Variants in HTR4 observed in about 807,000 individuals in gnomAD.
HTR4 encodes 5-hydroxytryptamine receptor 4, also known as 5-hydroxytryptamine (serotonin) receptor 4, G protein-coupled.
HTR4 carries 16 observed loss-of-function variants against 36.8 expected under a neutral mutation model. That is an observed-to-expected ratio of 0.43 (90% CI 0.29 to 0.66). HTR4 has a LOEUF of 0.66. HTR4 is among the 30% of genes least tolerant of loss of function. HTR4 has a pLI of 0.13. For missense variants in HTR4, 438 were observed against 490.9 expected (o/e 0.89, Z 1.02); for synonymous variants, 189 against 185.1 (o/e 1.02, Z -0.17).
At chr5:148,620,979 ACG>A (rs1241077567) in intron 2 of HTR4, among the ~76,000 whole-genome samples, 5 of 152,208 alleles carry the variant, frequency 3.3e-5, no homozygotes, top group African/African-American at 1.2e-4. Context: ...CCACCTCCTC[ACG>A]TGTACACCCC....
chr5:148,476,446 T>C (rs1247000856), downstream of HTR4, among the ~76,000 whole-genome samples: 1 of 152,120 alleles, frequency 6.6e-6, no homozygotes, highest in African/African-American at 2.4e-5. Context: ...TTGAAAGAGG[T>C]GTGATAAACA....
intron 4 of HTR4, among the ~76,000 whole-genome samples, chr5:148,546,107 C>T (rs1383817538): frequency 2.0e-5 from 3 of 152,168 alleles, no homozygotes; most frequent in East Asian, 1.9e-4. Flanking sequence ...ATCAGAATAA[C>T]TACCTGGTTT....
chr5:148,616,161 A>G (rs1752675805), intron 2 of HTR4, among the ~76,000 whole-genome samples: 1 of 152,222 alleles, frequency 6.6e-6, no homozygotes, highest in South Asian at 2.1e-4. Context: ...CTTGATAACC[A>G]CAAGGGTTAG....
chr5:148,533,397 C>G (rs1428490671), intron 4 of HTR4, among the ~76,000 whole-genome samples: 8 of 152,220 alleles, frequency 5.3e-5, no homozygotes, highest in Non-Finnish European at 1.5e-5. Context: ...CCACCAGCTT[C>G]TCCCACTGCA....
rs1761104396 is a variant in HTR4, at chr5:148,580,829, G to A, written c.27-30567C>T. Among the ~76,000 whole-genome samples the A allele has an allele frequency of 2.0e-5, 3 of 152,142 alleles. No individual in the cohort carries two copies. The South Asian group carries it at 6.2e-4, about 32-fold the overall frequency. On this transcript the variant is annotated intron_variant, in intron 2 of 6. Transcript: ENST00000377888. Reference sequence around the variant, plus strand: ...CTCTGAATATTGTTGCCATGAACATGGGAGTGCGGATATCTCTTTGAGACC... The same window carrying A: ...CTCTGAATATTGTTGCCATGAACATAGGAGTGCGGATATCTCTTTGAGACC...
chr5:148,464,372 A>G (rs1174427759), intron 5 of HTR4, among the ~76,000 whole-genome samples: 1 of 152,238 alleles, frequency 6.6e-6, no homozygotes, highest in Non-Finnish European at 1.5e-5. Context: ...CAAAATATAC[A>G]AAGAACTCTT....
intron 1 of HTR4, among the ~76,000 whole-genome samples, chr5:148,641,389 T>C (rs1442910660): frequency 6.6e-6 from 1 of 152,156 alleles, no homozygotes; most frequent in Non-Finnish European, 1.5e-5. Context: ...CAAGAAATTA[T>C]ACCCTCCATA....
chr5:148,481,689 G>A lies in HTR4; in HGVS notation c.*1514C>T, dbSNP rs201394278. On this transcript the variant is annotated 3_prime_UTR_variant, in exon 7 of 7. Coordinates refer to ENST00000377888, the MANE Select transcript of HTR4 (RefSeq NM_000870.7). The stretch of plus-strand genomic sequence containing the variant: ...CCTTATAAGCAATAAGAAAAAAAGA[G>A]AATATGATAAATAATCCTGAGATGC... 1.1e-5 allele frequency: 16 copies of A among 1,474,310 alleles called. No individual in the cohort carries two copies. The highest frequency in any genetic ancestry group is 2.8e-5 in the South Asian group (2 of 71,762). The allele number at this position is 1,474,310 out of a possible 1,614,324, so 91.3% of individuals were successfully genotyped here.
chr5:148,464,719 A>T (rs1199707554), intron 5 of HTR4, among the ~76,000 whole-genome samples: 1 of 152,202 alleles, frequency 6.6e-6, no homozygotes, highest in African/African-American at 2.4e-5. Flanking sequence ...ACAATCCAGC[A>T]ATTGAGCTTC....
intron 6 of HTR4, among the ~76,000 whole-genome samples, chr5:148,504,782 A>G (rs1561583095): frequency 6.6e-6 from 1 of 152,226 alleles, no homozygotes; most frequent in Non-Finnish European, 1.5e-5. Context: ...GAAGAATCAA[A>G]TAGACGCAAT....
At chr5:148,540,398 GTGTA>G (rs1347613976) in intron 4 of HTR4, among the ~76,000 whole-genome samples, 1 of 44,824 alleles carries the variant, frequency 2.2e-5, no homozygotes, top group Non-Finnish European at 5.1e-5. Flanking sequence ...TTTTATGTGT[GTGTA>G]TATATATATA....
chr5:148,586,210 C>T (rs1168344568), intron 2 of HTR4, among the ~76,000 whole-genome samples: 1 of 152,168 alleles, frequency 6.6e-6, no homozygotes, highest in African/African-American at 2.4e-5. Context: ...GCAACCAGAG[C>T]TGGTACCCAA....
chr5:148,530,388 C>T (rs778922249), intron 4 of HTR4, among the ~76,000 whole-genome samples: 38 of 152,270 alleles, frequency 2.5e-4, no homozygotes, highest in Middle Eastern at 3.4e-3. Context: ...TGCCGTGTGT[C>T]CCAGCTACTC....
At chr5:148,549,191 T>C (rs1012775526) in intron 3 of HTR4, among the ~76,000 whole-genome samples, 2 of 152,148 alleles carry the variant, frequency 1.3e-5, no homozygotes, top group African/African-American at 4.8e-5. Context: ...TAGGTCCCTT[T>C]TGAGGGCCAA....
At chr5:148,493,589 A>G (rs1439116912) in intron 6 of HTR4, among the ~76,000 whole-genome samples, 1 of 152,244 alleles carries the variant, frequency 6.6e-6, no homozygotes, top group Non-Finnish European at 1.5e-5. Flanking sequence ...TGAATGATAA[A>G]TTGGTGCTAA....
At chr5:148,597,413 C>G (rs948630767) in intron 2 of HTR4, among the ~76,000 whole-genome samples, 1 of 152,138 alleles carries the variant, frequency 6.6e-6, no homozygotes, top group Non-Finnish European at 1.5e-5. Flanking sequence ...ACCTTAGAAC[C>G]CAAGTTGAAA....
intron 1 of HTR4, among the ~76,000 whole-genome samples, chr5:148,649,273 GAA>G (rs80005324): frequency 0.2 from 29,106 of 143,336 alleles, 3,354 homozygotes; most frequent in East Asian, 0.38. Context: ...GTGTGATCAT[GAA>G]AAAAAAAAAA....
At chr5:148,502,212 C>T (rs1175625041) in intron 6 of HTR4, among the ~76,000 whole-genome samples, 1 of 152,182 alleles carries the variant, frequency 6.6e-6, no homozygotes, top group African/African-American at 2.4e-5. Flanking sequence ...AAGTGGGTCC[C>T]TGACCCCCAA....
At position 148,536,744 on chromosome 5, in the gene HTR4, T is replaced by C. The variant is rs150541633; in HGVS notation, c.353+11924A>G. ...AAGCACCCAGATTCATAAAGCAAGT[T>C]CTTAGAGACCTACAAAGAGACAACA... On this transcript the variant is annotated intron_variant, in intron 4 of 6. Coordinates refer to ENST00000377888, the MANE Select transcript of HTR4 (RefSeq NM_000870.7). Among the ~76,000 whole-genome samples the C allele has an allele frequency of 2.4e-3, 367 of 152,192 alleles. 13 individuals carry two copies. The East Asian group carries it at 0.04, about 17-fold the overall frequency.
Sources: gnomAD v4.1 joint callset for allele counts (sites outside exome capture counted in the v4.1 genomes callset) on GRCh38, gnomAD v4.1.1 for gene constraint, MANE v1.5 for transcripts, NCBI Gene and HGNC (gene_info 2026-07-23, HGNC 2026-07-21) for gene names.